Variants in PTPRM observed in about 807,000 individuals in gnomAD.
PTPRM encodes receptor-type tyrosine-protein phosphatase mu.
A neutral mutation model predicts 186.7 loss-of-function variants in PTPRM; 47 were observed. That is an observed-to-expected ratio of 0.25 (90% CI 0.20 to 0.32). The LOEUF (loss-of-function observed/expected upper bound fraction) is 0.32, where lower values mean the gene tolerates loss of function less well. Ranked by LOEUF, PTPRM falls within the 10% of genes least tolerant of loss-of-function variation. PTPRM has a pLI of 1.00. For missense variants in PTPRM, 1,494 were observed against 1,865.0 expected (o/e 0.80, Z 3.66); for synonymous variants, 668 against 674.9 (o/e 0.99, Z 0.16).
chr18:7,943,187 G>A (rs938242993), intron 5 of PTPRM, among the ~76,000 whole-genome samples: 2 of 151,950 alleles, frequency 1.3e-5, no homozygotes, highest in Non-Finnish European at 2.9e-5. Context: ...CTGATTTTCT[G>A]TCTTCACACT....
At chr18:7,783,268 C>T (rs920964070) in intron 2 of PTPRM, among the ~76,000 whole-genome samples, 3 of 152,176 alleles carry the variant, frequency 2.0e-5, no homozygotes, top group Admixed American at 6.5e-5. Context: ...ATTCACTCAG[C>T]TCTCACAGCC....
chr18:8,277,166 G>T (rs1226393727), intron 19 of PTPRM, among the ~76,000 whole-genome samples: 2 of 151,992 alleles, frequency 1.3e-5, no homozygotes, highest in Admixed American at 1.3e-4. Flanking sequence ...CGAACTCCTG[G>T]CCTCAAGTGA....
chr18:8,120,492 C>CTTTTTTTTT (rs199835832), intron 13 of PTPRM, among the ~76,000 whole-genome samples: 14 of 136,598 alleles, frequency 1.0e-4, no homozygotes, highest in South Asian at 2.3e-4. Flanking sequence ...TTCTTTCTTT[C>CTTTTTTTTT]TTTTTTTTTT....
intron 7 of PTPRM, among the ~76,000 whole-genome samples, chr18:7,984,642 T>A (rs1365044414): frequency 7.4e-6 from 1 of 134,638 alleles, no homozygotes; most frequent in East Asian, 2.0e-4. Context: ...CCCCCATATA[T>A]GTATATGTGG....
chr18:8,331,171 C>T (rs1281218228), intron 22 of PTPRM, among the ~76,000 whole-genome samples: 2 of 152,092 alleles, frequency 1.3e-5, no homozygotes, highest in African/African-American at 2.4e-5. Context: ...TAGGGAGGTC[C>T]GATTCTAGAA....
At chr18:8,085,595 G>C in intron 9 of PTPRM, 76 bp from the exon 10 acceptor site, 1 of 1,285,372 alleles carries the variant, frequency 7.8e-7, no homozygotes, top group Non-Finnish European at 1.1e-6. Context: ...GCATACATCA[G>C]AAGGGTTTAT....
At chr18:7,661,126 G>A (rs539711908) in intron 1 of PTPRM, among the ~76,000 whole-genome samples, 7 of 152,288 alleles carry the variant, frequency 4.6e-5, no homozygotes, top group African/African-American at 1.7e-4. Flanking sequence ...TGATGAAGAG[G>A]CAAAGCAAAA....
intron 19 of PTPRM, among the ~76,000 whole-genome samples, chr18:8,265,861 G>C (rs1042759660): frequency 5.3e-5 from 8 of 152,112 alleles, no homozygotes; most frequent in Non-Finnish European, 1.2e-4. Flanking sequence ...GCAGTAGTAC[G>C]GTCTCCTTAG....
intron 3 of PTPRM, among the ~76,000 whole-genome samples, chr18:7,902,834 CT>C (rs34332223): frequency 0.35 from 46,018 of 129,788 alleles, 7,717 homozygotes; most frequent in Non-Finnish European, 0.47. Flanking sequence ...TCTTCTCTGC[CT>C]TTTTTTTTTT....
At chr18:7,649,853 A>C (rs879332836) in intron 1 of PTPRM, among the ~76,000 whole-genome samples, 19 of 81,676 alleles carry the variant, frequency 2.3e-4, no homozygotes, top group Non-Finnish European at 3.5e-4. Flanking sequence ...CTTCCACCAC[A>C]AAAAAAATTA....
intron 2 of PTPRM, among the ~76,000 whole-genome samples, chr18:7,781,124 C>G (rs1454986113): frequency 1.3e-5 from 2 of 152,152 alleles, no homozygotes; most frequent in Admixed American, 6.5e-5. Flanking sequence ...ATGAATTCAT[C>G]TCTTAGCTTA....
In PTPRM at chr18:7,567,662, C is replaced by T. The variant is rs1168964273; in HGVS notation, c.-157C>T. Reference sequence around the variant, plus strand: ...CCGCGCCCCTGGAGCCGCTGGAGTTCGGACTTCTGCAACTGTTGGCACTTT... The same window carrying T: ...CCGCGCCCCTGGAGCCGCTGGAGTTTGGACTTCTGCAACTGTTGGCACTTT... On this transcript the variant is annotated 5_prime_UTR_variant, in exon 1 of 33. Transcript: ENST00000580170. The surrounding 1 kb of genome is among the most constrained non-coding windows in gnomAD (Gnocchi z 4.3). The T allele has an allele frequency of 1.3e-5, 8 of 598,680 alleles. No individual in the cohort carries two copies. The highest frequency in any genetic ancestry group is 1.2e-4 in the African/African-American group (6 of 50,204). The allele number at this position is 598,680 out of a possible 1,614,324, so 37.1% of individuals were successfully genotyped here.
chr18:7,767,357 G>T (rs918668822), intron 1 of PTPRM, among the ~76,000 whole-genome samples: 2 of 152,104 alleles, frequency 1.3e-5, no homozygotes, highest in African/African-American at 4.8e-5. Context: ...CGTGTACTGG[G>T]TCAAGATGTC....
chr18:8,126,376 T>G (rs1373712696), intron 13 of PTPRM, among the ~76,000 whole-genome samples: 2 of 152,068 alleles, frequency 1.3e-5, no homozygotes, highest in African/African-American at 4.8e-5. Context: ...ATATATAAAT[T>G]TAATAAGCTT....
Position 8,384,648 on chromosome 18 carries a change from A to C in PTPRM, c.4006A>C (p.Ile1336Leu). Residue 1336 changes from isoleucine to leucine, a missense_variant, in exon 30 of 33, where the codon ATC becomes CTC. By Grantham distance (5) the Ile-to-Leu change is conservative (BLOSUM62 2). Transcript: ENST00000580170. ...EFVSADLEED[I>L]ISRIFRIYNA... is the part of the protein sequence containing the mutation. The stretch of plus-strand genomic sequence containing the variant: ...TGTCTCTGCTGACCTGGAAGAGGAC[A>C]TCATCAGCAGGATATTCCGCATTTA... The C allele has an allele frequency of 3.1e-6, 5 of 1,614,204 alleles. No homozygotes were observed. The highest frequency in any genetic ancestry group is 4.2e-6 in the Non-Finnish European group (5 of 1,180,016).
chr18:7,862,268 A>G (rs781544266), intron 2 of PTPRM, among the ~76,000 whole-genome samples: 3 of 152,226 alleles, frequency 2.0e-5, no homozygotes, highest in South Asian at 2.1e-4. Context: ...CAATAAGTCT[A>G]TTCACTCAGG....
intron 8 of PTPRM, 103 bp from the exon 9 acceptor site, chr18:8,076,352 A>G (rs2089812786): frequency 4.3e-6 from 3 of 697,462 alleles, no homozygotes; most frequent in Non-Finnish European, 7.5e-6. Flanking sequence ...TGTGTGGACT[A>G]TTAAAATCTT....
rs1394645312 is a variant in PTPRM, at chr18:8,355,222, G to A, written c.3054+11702G>A. Among the ~76,000 whole-genome samples, 3 of 152,230 alleles carry A rather than the reference G, an allele frequency of 2.0e-5. No homozygotes were observed. In the East Asian group the frequency reaches 5.8e-4, roughly 29 times the overall value. On this transcript the variant is annotated intron_variant, in intron 23 of 32. Coordinates refer to ENST00000580170, the MANE Select transcript of PTPRM (RefSeq NM_001105244.2). ...CGTGATAAAGGTTTCACAGCATGCT[G>A]TGGAAGTTCATGAAAGAGGCACCTC...
At chr18:8,401,873 C>T (rs899338598) in intron 32 of PTPRM, among the ~76,000 whole-genome samples, 3 of 152,218 alleles carry the variant, frequency 2.0e-5, no homozygotes, top group Non-Finnish European at 2.9e-5. Context: ...GCGGGGCCAG[C>T]GTCAGGGACC....
Sources: allele counts gnomAD v4.1 joint callset (sites outside exome capture counted in the v4.1 genomes callset), GRCh38; gene constraint gnomAD v4.1.1; non-coding constraint Gnocchi (gnomAD v3.1); transcripts MANE v1.5; gene names NCBI Gene and HGNC (gene_info 2026-07-23, HGNC 2026-07-21).